RAD51B: variants seen among roughly 807,000 people sequenced by gnomAD.
The protein encoded by RAD51B is DNA repair protein RAD51 homolog 2.
Under a neutral mutation model 42.2 loss-of-function variants are expected in RAD51B, and 38 were observed. The observed-to-expected ratio is 0.90, with a 90% CI of 0.70 to 1.18. RAD51B has a LOEUF of 1.18. Among genes scored for constraint, RAD51B ranks in the 50% most tolerant of loss-of-function variants. The pLI is 0.00. For synonymous variants in RAD51B, 154 were observed against 145.2 expected (o/e 1.06, Z -0.43); for missense variants, 373 against 400.7 (o/e 0.93, Z 0.59).
chr14:68,666,290 A>G (rs531512381), intron 11 of RAD51B, among the ~76,000 whole-genome samples: 2 of 152,214 alleles, frequency 1.3e-5, no homozygotes, highest in Non-Finnish European at 2.9e-5. Context: ...TTTTTGTTGC[A>G]TGGGCCATTG....
intron 7 of RAD51B, among the ~76,000 whole-genome samples, chr14:68,158,401 G>A (rs1555944): frequency 0.68 from 102,978 of 152,084 alleles, 39,151 homozygotes; most frequent in East Asian, 0.92. Flanking sequence ...ATGAAATGCC[G>A]AACTGTAATT....
At chr14:67,914,347 G>A (rs1023527731) in intron 7 of RAD51B, among the ~76,000 whole-genome samples, 4 of 151,986 alleles carry the variant, frequency 2.6e-5, no homozygotes, top group African/African-American at 7.3e-5. Flanking sequence ...TTCTGTGTCC[G>A]ACTTATTTTA....
At chr14:68,098,686 G>C (rs910824921) in intron 7 of RAD51B, among the ~76,000 whole-genome samples, 2 of 152,146 alleles carry the variant, frequency 1.3e-5, no homozygotes, top group African/African-American at 4.8e-5. Context: ...CTCCCACCAG[G>C]TCCCTCCCAC....
At chr14:68,401,782 C>T (rs1023280532) in intron 8 of RAD51B, among the ~76,000 whole-genome samples, 1 of 152,158 alleles carries the variant, frequency 6.6e-6, no homozygotes, top group African/African-American at 2.4e-5. Context: ...ATTTATAAAT[C>T]TGAAAGACGA....
At chr14:68,028,394 C>T (rs914646379) in intron 7 of RAD51B, among the ~76,000 whole-genome samples, 1 of 152,180 alleles carries the variant, frequency 6.6e-6, no homozygotes, top group African/African-American at 2.4e-5. Flanking sequence ...CACACCCTTT[C>T]TATATTGACC....
At chr14:68,029,404 C>T (rs540041678) in intron 7 of RAD51B, among the ~76,000 whole-genome samples, 1 of 152,178 alleles carries the variant, frequency 6.6e-6, no homozygotes, top group South Asian at 2.1e-4. Context: ...CAACAGTGTT[C>T]ACAGCTTCTT....
At chr14:67,832,573 G>GT (rs1407100372) in intron 3 of RAD51B, among the ~76,000 whole-genome samples, 36 of 152,098 alleles carry the variant, frequency 2.4e-4, no homozygotes, top group Non-Finnish European at 4.1e-4. Flanking sequence ...CTTAGTCTCA[G>GT]TTTTTTTACC....
At chr14:68,461,838 A>G (rs2085854140) in intron 9 of RAD51B, among the ~76,000 whole-genome samples, 1 of 152,244 alleles carries the variant, frequency 6.6e-6, no homozygotes, top group South Asian at 2.1e-4. Context: ...GTTTACAAGG[A>G]GAAGCCCATG....
At chr14:68,211,899 C>A (rs1184457871) in intron 7 of RAD51B, among the ~76,000 whole-genome samples, 1 of 152,222 alleles carries the variant, frequency 6.6e-6, no homozygotes, top group African/African-American at 2.4e-5. Flanking sequence ...CATTCAAGTT[C>A]TATAGCAAAT....
chr14:68,576,072 G>A (rs535133389), intron 10 of RAD51B, among the ~76,000 whole-genome samples: 1 of 152,258 alleles, frequency 6.6e-6, no homozygotes, highest in East Asian at 1.9e-4. Flanking sequence ...TGGCAGCATA[G>A]AGGTGGCCAC....
At position 68,457,942 on chromosome 14, in the gene RAD51B, T is replaced by A. The variant is rs185749839; in HGVS notation, c.958-10230T>A. On this transcript the variant is annotated intron_variant, in intron 9 of 10. Transcript: ENST00000471583. ...GAATTATTAACACTTTCAAACCACA[T>A]GTAAAGTTCACTGAAAAAAAAAAAA... 2.2e-4 allele frequency among the ~76,000 whole-genome samples: 33 copies of A among 148,690 alleles called. No homozygotes were observed. In the East Asian group the frequency reaches 5.1e-3, roughly 23 times the overall value.
intron 7 of RAD51B, among the ~76,000 whole-genome samples, chr14:68,020,495 C>T (rs1457674431): frequency 6.6e-6 from 1 of 152,022 alleles, no homozygotes; most frequent in Non-Finnish European, 1.5e-5. Context: ...AAATACACTT[C>T]CTTTTAGAAA....
At chr14:68,669,468 G>C (rs1893106924) in intron 11 of RAD51B, among the ~76,000 whole-genome samples, 1 of 152,178 alleles carries the variant, frequency 6.6e-6, no homozygotes, top group South Asian at 2.1e-4. Context: ...GGGACTTTTG[G>C]ATGAGAAACA....
intron 10 of RAD51B, among the ~76,000 whole-genome samples, chr14:68,491,285 A>G (rs769199347): frequency 2.0e-5 from 3 of 152,014 alleles, no homozygotes; most frequent in Non-Finnish European, 4.4e-5. Flanking sequence ...ATGATGTGGG[A>G]TATACTAGGT....
chr14:68,103,387 A>G (rs559153718), intron 7 of RAD51B, among the ~76,000 whole-genome samples: 23 of 152,212 alleles, frequency 1.5e-4, no homozygotes, highest in Non-Finnish European at 3.4e-4. Context: ...TTTGAGTTTC[A>G]GTTTGTGTTT....
chr14:68,644,202 G>T (rs1401565734), intron 10 of RAD51B, among the ~76,000 whole-genome samples: 3 of 152,248 alleles, frequency 2.0e-5, no homozygotes, highest in African/African-American at 7.2e-5. Context: ...ACTGAGCTCA[G>T]TAGTGAGTTC....
chr14:68,585,492 A>C (rs1218670095), intron 10 of RAD51B, among the ~76,000 whole-genome samples: 2 of 152,200 alleles, frequency 1.3e-5, no homozygotes, highest in African/African-American at 4.8e-5. Context: ...AGGAATAGCC[A>C]AACAGGCTCC....
chr14:68,355,086 TG>T (rs1377535920), intron 8 of RAD51B, among the ~76,000 whole-genome samples: 1 of 152,212 alleles, frequency 6.6e-6, no homozygotes, highest in African/African-American at 2.4e-5. Flanking sequence ...ATCTTGTCAC[TG>T]GAGGGATATA....
At chr14:68,643,110 GT>G (rs1483927464) in intron 10 of RAD51B, among the ~76,000 whole-genome samples, 2 of 95,548 alleles carry the variant, frequency 2.1e-5, no homozygotes, top group Non-Finnish European at 4.9e-5. Context: ...GAGTATTGAA[GT>G]TTTTAACTGT....
Sources: allele counts gnomAD v4.1 joint callset (sites outside exome capture counted in the v4.1 genomes callset), GRCh38; gene constraint gnomAD v4.1.1; transcripts MANE v1.5; gene names NCBI Gene and HGNC (gene_info 2026-07-23, HGNC 2026-07-21).